Variants in BMP2K observed in about 807,000 individuals in gnomAD.
BMP2K encodes the protein BMP-2-inducible protein kinase.
Under a neutral mutation model 116.0 loss-of-function variants are expected in BMP2K, and 74 were observed. That is an observed-to-expected ratio of 0.64 (90% CI 0.53 to 0.77). BMP2K has a LOEUF of 0.77. Ranked by LOEUF, BMP2K falls within the 30% of genes least tolerant of loss-of-function variation. The pLI is 0.00. For synonymous variants in BMP2K, 486 were observed against 502.5 expected (o/e 0.97, Z 0.44); for missense variants, 1,365 against 1,403.6 (o/e 0.97, Z 0.44).
chr4:78,806,003 AT>A (rs552816332), intron 1 of BMP2K, among the ~76,000 whole-genome samples: 26 of 150,612 alleles, frequency 1.7e-4, no homozygotes, highest in Admixed American at 6.6e-4. Context: ...ATTGCTTTAA[AT>A]TTTTTTTTTC....
chr4:78,864,465 T>C (rs1731948909), intron 9 of BMP2K, among the ~76,000 whole-genome samples: 1 of 151,918 alleles, frequency 6.6e-6, no homozygotes, highest in Admixed American at 6.6e-5. Context: ...TAAATTTTCA[T>C]GTCTTTTACC....
chr4:78,829,739 C>A (rs894238740), intron 2 of BMP2K, among the ~76,000 whole-genome samples: 11 of 146,410 alleles, frequency 7.5e-5, no homozygotes, highest in African/African-American at 2.9e-4. Context: ...GTTGTGTTAG[C>A]AGGCATGGAA....
intron 1 of BMP2K, among the ~76,000 whole-genome samples, chr4:78,809,568 C>T (rs913261129): frequency 6.6e-6 from 1 of 151,782 alleles, no homozygotes; most frequent in African/African-American, 2.4e-5. Context: ...CTTGTACAGA[C>T]GAGGTTTCAC....
chr4:78,878,848 A>T lies in BMP2K; in HGVS notation c.1908A>T (p.Thr636=). 1 of 1,613,628 alleles carries T rather than the reference A, an allele frequency of 6.2e-7. No homozygotes were observed. Among genetic ancestry groups the T allele is most frequent in the South Asian group, 1.1e-5 (1 of 90,992 alleles). The part of the protein sequence containing the change: ...PFGEDNFSKL[T]EEELLDREFD... ...GAGAGGATAATTTCTCTAAGTTAAC[A>T]GAAGAGGAACTATTGGACAGAGAAT... Residue 636 remains threonine, a synonymous_variant, in exon 14 of 16, where the codon ACA becomes ACT. Coordinates refer to ENST00000502613, the MANE Select transcript of BMP2K (RefSeq NM_198892.2).
At chr4:78,818,872 C>T (rs1729484755) in intron 1 of BMP2K, among the ~76,000 whole-genome samples, 2 of 150,552 alleles carry the variant, frequency 1.3e-5, no homozygotes, top group South Asian at 4.2e-4. Flanking sequence ...TGTCAGCTCA[C>T]AGCAACCTCT....
chr4:78,802,249 G>T (rs531618351), intron 1 of BMP2K, among the ~76,000 whole-genome samples: 1 of 152,314 alleles, frequency 6.6e-6, no homozygotes, highest in South Asian at 2.1e-4. Context: ...ATCCCAGTGT[G>T]ACCTTCTTAC....
At position 78,912,601 on chromosome 4, in the gene BMP2K, T is replaced by C. The variant is rs561704129; in HGVS notation, c.*568T>C. 1 of 150,864 alleles carries C rather than the reference T, an allele frequency of 6.6e-6. No homozygotes were observed. The highest frequency in any genetic ancestry group is 6.6e-5 in the Admixed American group (1 of 15,182). The allele number at this position is 150,864 out of a possible 1,614,324, so 9.3% of individuals were successfully genotyped here. On this transcript the variant is annotated 3_prime_UTR_variant, in exon 16 of 16. Transcript: ENST00000502613. ...GCCAGAAGTAACTGACTATTGTGCC[T>C]AAAACTCTGTTTCATTTTTAAAAAC...
At chr4:78,818,161 C>T (rs10213354) in intron 1 of BMP2K, among the ~76,000 whole-genome samples, 28,490 of 152,068 alleles carry the variant, frequency 0.19, 5,667 homozygotes, top group African/African-American at 0.5. Flanking sequence ...CTGGGATACA[C>T]GTGTATAACG....
In BMP2K at chr4:78,915,882, A is replaced by G. The variant is rs1231746912; in HGVS notation, c.*3849A>G. On this transcript the variant is annotated 3_prime_UTR_variant, in exon 16 of 16. Coordinates refer to ENST00000502613, the MANE Select transcript of BMP2K (RefSeq NM_198892.2). Reference sequence around the variant, plus strand: ...TGACTATGCTCTTTTTGTGATTGAAAAGTCATCTAATAGAAGCTGTATAGA... The same window carrying G: ...TGACTATGCTCTTTTTGTGATTGAAGAGTCATCTAATAGAAGCTGTATAGA... The G allele has an allele frequency of 6.6e-6, 1 of 151,962 alleles. No homozygotes were observed. The highest frequency in any genetic ancestry group is 1.9e-4 in the East Asian group (1 of 5,198). 9.4% of individuals were successfully genotyped at this position (151,962 alleles called of 1,614,324 possible). A position where few individuals can be genotyped will look rare whatever the true frequency, so the allele number is the denominator to read the frequency against.
intron 1 of BMP2K, among the ~76,000 whole-genome samples, chr4:78,796,521 A>G (rs2109945473): frequency 6.6e-6 from 1 of 152,240 alleles, no homozygotes. Flanking sequence ...ATGTACCCTA[A>G]AACTTAAAGT....
chr4:78,832,516 C>T (rs1730256512), intron 2 of BMP2K, among the ~76,000 whole-genome samples: 1 of 152,068 alleles, frequency 6.6e-6, no homozygotes, highest in African/African-American at 2.4e-5. Context: ...TAGACTTTGG[C>T]ATTTACTTTT....
At chr4:78,847,791 A>G (rs1731080421) in intron 6 of BMP2K, among the ~76,000 whole-genome samples, 1 of 151,718 alleles carries the variant, frequency 6.6e-6, no homozygotes, top group Non-Finnish European at 1.5e-5. Context: ...ATATTTCTTT[A>G]TAGTTGAACT....
rs1213313197 is a variant in BMP2K, at chr4:78,915,749, A to G, written c.*3716A>G. On this transcript the variant is annotated 3_prime_UTR_variant, in exon 16 of 16. Coordinates refer to ENST00000502613, the MANE Select transcript of BMP2K (RefSeq NM_198892.2). ...CATTCACTCCTAGTGAGGGTTTACA[A>G]AAGCTACTAAGAGAATAAGGTAGAT... 1 of 152,002 alleles carries G rather than the reference A, an allele frequency of 6.6e-6. No homozygotes were observed. The highest frequency in any genetic ancestry group is 2.4e-5 in the African/African-American group (1 of 41,434). 9.4% of individuals were successfully genotyped at this position (152,002 alleles called of 1,614,324 possible). A position where few individuals can be genotyped will look rare whatever the true frequency, so the allele number is the denominator to read the frequency against.
intron 1 of BMP2K, among the ~76,000 whole-genome samples, chr4:78,823,561 T>C (rs1729734222): frequency 6.9e-6 from 1 of 145,448 alleles, no homozygotes; most frequent in Non-Finnish European, 1.5e-5. Context: ...TATATATAGT[T>C]ATATAGTTAT....
chr4:78,776,617 G>C lies in BMP2K; in HGVS notation c.74G>C (p.Gly25Ala). Residue 25 changes from glycine (G) to alanine (A), a missense_variant, in exon 1 of 16, where the codon GGG (glycine) becomes GCG (alanine). Coordinates refer to ENST00000502613, the MANE Select transcript of BMP2K (RefSeq NM_198892.2). ...GGAGCGGCGGGTGGCGGGGCTGGCG[G>C]GGCCGGGGCCGGGGCCGGCTGCGGC... is the stretch of plus-strand genomic sequence containing the variant. ...GGGAAGGGAGGAGAGAGCGSG... is the reference protein window; with the variant it reads ...GGGAAGGGAGAAGAGAGCGSG... 11 of 1,200,962 alleles carry C rather than the reference G, an allele frequency of 9.2e-6. No individual in the cohort carries two copies. Among genetic ancestry groups the C allele is most frequent in the Non-Finnish European group, 1.1e-5 (11 of 964,840 alleles). 74.4% of individuals were successfully genotyped at this position (1,200,962 alleles called of 1,614,324 possible).
At chr4:78,815,476 A>G (rs1360881056) in intron 1 of BMP2K, among the ~76,000 whole-genome samples, 1 of 152,182 alleles carries the variant, frequency 6.6e-6, no homozygotes, top group Non-Finnish European at 1.5e-5. Flanking sequence ...ATTAAGAATT[A>G]ATTGGTAAAT....
intron 7 of BMP2K, 164 bp from the exon 8 acceptor site, chr4:78,859,420 A>G: frequency 2.1e-6 from 1 of 482,364 alleles, no homozygotes; most frequent in Non-Finnish European, 3.6e-6. Context: ...TATTTATAAA[A>G]TAGCAATTTC....
At chr4:78,866,531 T>C (rs1038496824) in intron 10 of BMP2K, among the ~76,000 whole-genome samples, 1 of 152,216 alleles carries the variant, frequency 6.6e-6, no homozygotes, top group Non-Finnish European at 1.5e-5. Flanking sequence ...TTGGGAGGAT[T>C]AAATGGCTGT....
In BMP2K at chr4:78,829,405, T is replaced by G. The variant is rs569333022; in HGVS notation, c.297+3250T>G. Among the ~76,000 whole-genome samples, 27 of 106,054 alleles carry G rather than the reference T, an allele frequency of 2.5e-4. 1 individual carries two copies. The South Asian group carries it at 6.7e-3, about 26-fold the overall frequency. The allele number at this position is 106,054 out of a possible 152,430, so 69.6% of individuals were successfully genotyped here. On this transcript the variant is annotated intron_variant, in intron 2 of 15. Transcript: ENST00000502613. Reference sequence around the variant, plus strand: ...CTCCACTTAATTATAGTTTTTTGTTTTTTTTTTTTTTTCTGTTTCTACCAT... The same window carrying G: ...CTCCACTTAATTATAGTTTTTTGTTGTTTTTTTTTTTTCTGTTTCTACCAT...
Sources: allele counts gnomAD v4.1 joint callset (sites outside exome capture counted in the v4.1 genomes callset), GRCh38; gene constraint gnomAD v4.1.1; transcripts MANE v1.5; gene names NCBI Gene and HGNC (gene_info 2026-07-23, HGNC 2026-07-21).